The following GNG7 variants were observed in gnomAD, a reference collection of about 807,000 sequenced individuals.
GNG7 encodes guanine nucleotide-binding protein G(I)/G(S)/G(O) subunit gamma-7.
In GNG7, 1 loss-of-function variant was observed where a neutral mutation model predicts 4.0. The ratio of observed to expected loss-of-function variants is 0.25; its 90% confidence interval spans 0.09 to 1.18. GNG7 has a LOEUF of 1.18. GNG7 is among the 50% of genes most tolerant of loss of function. The pLI, the probability that GNG7 is intolerant of heterozygous loss-of-function variation, is 0.50. For synonymous variants in GNG7, 34 were observed against 36.9 expected, an observed-to-expected ratio of 0.92 and a Z score of 0.29; for missense variants, 86 against 91.9, an observed-to-expected ratio of 0.94 and a Z score of 0.26.
intron 1 of GNG7, among the ~76,000 whole-genome samples, chr19:2,691,588 C>T (rs568506974): frequency 6.5e-4 from 98 of 151,616 alleles, no homozygotes; most frequent in Non-Finnish European, 1.3e-3. Flanking sequence ...GGAAAAGAGC[C>T]GGGCGTGGTG....
intron 1 of GNG7, among the ~76,000 whole-genome samples, chr19:2,677,891 C>T (rs1415794032): frequency 1.3e-5 from 2 of 152,182 alleles, no homozygotes; most frequent in East Asian, 1.9e-4. Flanking sequence ...CCTCAGAGAA[C>T]GATCTGGCCC....
chr19:2,578,209 G>A (rs1362937149), intron 2 of GNG7, among the ~76,000 whole-genome samples: 1 of 152,018 alleles, frequency 6.6e-6, no homozygotes, highest in Non-Finnish European at 1.5e-5. Flanking sequence ...GGGTCTCTGA[G>A]GGCTTTGAGG....
chr19:2,576,393 T>C (rs1396949466), intron 2 of GNG7, among the ~76,000 whole-genome samples: 3 of 152,212 alleles, frequency 2.0e-5, no homozygotes, highest in African/African-American at 7.2e-5. Context: ...GAGTTCACCG[T>C]GGTCCCTGGA....
chr19:2,683,285 G>A (rs923153877), intron 1 of GNG7, among the ~76,000 whole-genome samples: 1 of 151,386 alleles, frequency 6.6e-6, no homozygotes, highest in Non-Finnish European at 1.5e-5. Context: ...CCCTAGGCCA[G>A]CCTGGGTGGG....
At chr19:2,648,238 A>G (rs1370159210) in intron 1 of GNG7, among the ~76,000 whole-genome samples, 3 of 152,024 alleles carry the variant, frequency 2.0e-5, no homozygotes, top group Middle Eastern at 3.4e-3. Context: ...TATAAAAACA[A>G]TGTAAAAATT....
intron 3 of GNG7, among the ~76,000 whole-genome samples, chr19:2,551,747 G>A (rs889681301): frequency 1.1e-4 from 16 of 149,990 alleles, no homozygotes; most frequent in Admixed American, 6.7e-4. Flanking sequence ...GCAACGGCAC[G>A]ATCTCAGCTC....
intron 1 of GNG7, among the ~76,000 whole-genome samples, chr19:2,662,258 T>G (rs987417338): frequency 2.0e-5 from 1 of 49,062 alleles, no homozygotes; most frequent in Non-Finnish European, 3.7e-5. Flanking sequence ...AGACTCCATC[T>G]CAAAAAAAAA....
intron 1 of GNG7, among the ~76,000 whole-genome samples, chr19:2,689,429 C>G (rs1042928951): frequency 6.6e-6 from 1 of 151,584 alleles, no homozygotes; most frequent in South Asian, 2.1e-4. Context: ...TCGAGACCAG[C>G]CTGGCCATCA....
chr19:2,667,360 C>T (rs1426802024), intron 1 of GNG7, among the ~76,000 whole-genome samples: 3 of 151,976 alleles, frequency 2.0e-5, no homozygotes, highest in Admixed American at 6.6e-5. Context: ...TTTCACAGCC[C>T]CAAGGTTTTG....
At chr19:2,552,366 A>G (rs1979358441) in intron 3 of GNG7, among the ~76,000 whole-genome samples, 1 of 151,530 alleles carries the variant, frequency 6.6e-6, no homozygotes, top group Non-Finnish European at 1.5e-5. Flanking sequence ...TCACCTCCAG[A>G]TGGGACCATC....
rs569289660 is a variant in GNG7 at position 2,653,160 on chromosome 19, G to C, written c.-134-6880C>G. Among the ~76,000 whole-genome samples the C allele has an allele frequency of 2.6e-4, 40 of 152,102 alleles. No individual in the cohort carries two copies. The highest frequency in any genetic ancestry group is 5.1e-4 in the Non-Finnish European group (35 of 68,026). On this transcript the variant is annotated intron_variant, in intron 1 of 4. Transcript: ENST00000382159. The surrounding 1 kb of genome is among the most constrained non-coding windows in gnomAD (Gnocchi z 4.8). Reference sequence around the variant, plus strand: ...AAACAAAAACCAGGCCTCACCCACAGTGTCGAAGGCATGCATCTTCTAGGG... The same window carrying C: ...AAACAAAAACCAGGCCTCACCCACACTGTCGAAGGCATGCATCTTCTAGGG...
intron 2 of GNG7, among the ~76,000 whole-genome samples, chr19:2,566,477 G>C (rs938090647): frequency 6.6e-6 from 1 of 152,124 alleles, no homozygotes; most frequent in Non-Finnish European, 1.5e-5. Flanking sequence ...CCTTGTACGA[G>C]CACCCCATGA....
chr19:2,514,604 T>C lies in GNG7; in HGVS notation c.*418A>G, dbSNP rs1334095474. The C allele has an allele frequency of 6.3e-6, 1 of 158,422 alleles. No homozygotes were observed. The highest frequency in any genetic ancestry group is 2.4e-5 in the African/African-American group (1 of 41,508). The allele number at this position is 158,422 out of a possible 1,614,324, so 9.8% of individuals were successfully genotyped here. A position where few individuals can be genotyped will look rare whatever the true frequency, so the allele number is the denominator to read the frequency against. On this transcript the variant is annotated 3_prime_UTR_variant, in exon 5 of 5. Transcript: ENST00000382159. ...TGAAGTCTTTTTACCAATGGCCAAT[T>C]CTCCCGGAACTATTGCCACCGGGCG... is the stretch of plus-strand genomic sequence containing the variant.
chr19:2,671,744 T>C (rs966476710), intron 1 of GNG7, among the ~76,000 whole-genome samples: 3 of 152,274 alleles, frequency 2.0e-5, no homozygotes, highest in Admixed American at 2.0e-4. Context: ...AGATGTTCTA[T>C]TGTAAAATCT....
In GNG7 at chr19:2,633,681, T is replaced by C. The variant is rs1045235629; in HGVS notation, c.-78+12543A>G. On this transcript the variant is annotated intron_variant, in intron 2 of 4. Transcript: ENST00000382159. The surrounding 1 kb of genome is among the most constrained non-coding windows in gnomAD (Gnocchi z 5.9). Reference sequence around the variant, plus strand: ...CGGGGATTCATTGAGAGGACATCGGTGGGCTTGAAAACGGGTGTCTGTTTA... The same window carrying C: ...CGGGGATTCATTGAGAGGACATCGGCGGGCTTGAAAACGGGTGTCTGTTTA... Among the ~76,000 whole-genome samples the C allele has an allele frequency of 6.6e-6, 1 of 151,708 alleles. No individual in the cohort carries two copies. Among genetic ancestry groups the C allele is most frequent in the East Asian group, 1.9e-4 (1 of 5,152 alleles).
chr19:2,571,245 C>T (rs1980136759), intron 2 of GNG7, among the ~76,000 whole-genome samples: 2 of 152,202 alleles, frequency 1.3e-5, no homozygotes, highest in African/African-American at 2.4e-5. Context: ...GCACAGATAA[C>T]AGAGGGTCCC....
intron 3 of GNG7, among the ~76,000 whole-genome samples, chr19:2,540,930 A>AGCC (rs1279085608): frequency 6.6e-6 from 1 of 152,204 alleles, no homozygotes; most frequent in Non-Finnish European, 1.5e-5. Flanking sequence ...ACCGACCAGG[A>AGCC]GCCGCCGCCG....
At chr19:2,671,486 G>A (rs1473873094) in intron 1 of GNG7, among the ~76,000 whole-genome samples, 2 of 152,148 alleles carry the variant, frequency 1.3e-5, no homozygotes. Context: ...CCCAGCTTCA[G>A]CCGCCTCCCC....
rs1226433277 is a variant in GNG7 at position 2,618,434 on chromosome 19, C to T, written c.-78+27790G>A. 6.6e-6 allele frequency among the ~76,000 whole-genome samples: 1 copy of T among 151,854 alleles called. No homozygotes were observed. Among genetic ancestry groups the T allele is most frequent in the Non-Finnish European group, 1.5e-5 (1 of 67,966 alleles). On this transcript the variant is annotated intron_variant, in intron 2 of 4. Coordinates refer to ENST00000382159, the MANE Select transcript of GNG7 (RefSeq NM_052847.3). The surrounding 1 kb of genome is among the most constrained non-coding windows in gnomAD (Gnocchi z 5.1). ...TGCAACCTCAGCTCACTGCAACCTG[C>T]ACCTCCCCTGTTCAAGCGATTCTCC...
Sources: allele counts gnomAD v4.1 joint callset (sites outside exome capture counted in the v4.1 genomes callset), GRCh38; gene constraint gnomAD v4.1.1; non-coding constraint Gnocchi (gnomAD v3.1); transcripts MANE v1.5; gene names NCBI Gene and HGNC (gene_info 2026-07-23, HGNC 2026-07-21).